Variants in THSD7A observed in about 807,000 individuals in gnomAD.
The protein encoded by THSD7A is thrombospondin type-1 domain-containing protein 7A.
In THSD7A, 96 loss-of-function variants were observed where a neutral mutation model predicts 231.3. The ratio of observed to expected loss-of-function variants is 0.41; its 90% CI spans 0.35 to 0.49. The LOEUF is 0.49. Among genes scored for constraint, THSD7A ranks in the 20% least tolerant of loss-of-function variants. The pLI is 0.05. For missense variants in THSD7A, 2,290 were observed against 2,070.2 expected, an observed-to-expected ratio of 1.11 and a Z score of -2.06; for synonymous variants, 940 against 743.3, an observed-to-expected ratio of 1.26 and a Z score of -4.30.
intron 1 of THSD7A, chr7:11,751,133 T>C (rs1324357427): frequency 6.6e-6 from 1 of 152,098 alleles, no homozygotes; most frequent in Non-Finnish European, 1.5e-5. Flanking sequence ...CATGTCTTTC[T>C]TACTTTCTCA....
chr7:11,827,578 G>A (rs373186898), intron 1 of THSD7A, among the ~76,000 whole-genome samples: 1 of 151,984 alleles, frequency 6.6e-6, no homozygotes, highest in Non-Finnish European at 1.5e-5. Context: ...TTCTCCCACT[G>A]TGGCCCTTTA....
intron 1 of THSD7A, among the ~76,000 whole-genome samples, chr7:11,714,210 T>G (rs1781058417): frequency 6.6e-6 from 1 of 151,202 alleles, no homozygotes; most frequent in Non-Finnish European, 1.5e-5. Flanking sequence ...AATAAATTAA[T>G]TATAAAAGTG....
At chr7:11,715,106 GAAAC>G (rs1454984569) in intron 1 of THSD7A, among the ~76,000 whole-genome samples, 4 of 151,476 alleles carry the variant, frequency 2.6e-5, no homozygotes, top group East Asian at 2.0e-4. Context: ...CATTGTTCAA[GAAAC>G]AAACAAACAG....
intron 2 of THSD7A, among the ~76,000 whole-genome samples, chr7:11,599,925 G>T (rs1780493281): frequency 6.6e-6 from 1 of 151,970 alleles, no homozygotes; most frequent in African/African-American, 2.4e-5. Context: ...AAAGCAGTCA[G>T]AAAAACATGA....
At position 11,647,393 on chromosome 7, in the gene THSD7A, A is replaced by G. The variant is rs73676058; in HGVS notation, c.191-10432T>C. Among the ~76,000 whole-genome samples the G allele has an allele frequency of 4.4e-3, 674 of 152,156 alleles. 1 individual carries two copies. The highest frequency in any genetic ancestry group is 0.014 in the African/African-American group (602 of 41,538). ...CCGTATGTCTTGGCTCTTATGGCACAGCACCATATTTTGCTTACTGGCTTG... is the reference window on the plus strand; with the variant it reads ...CCGTATGTCTTGGCTCTTATGGCACGGCACCATATTTTGCTTACTGGCTTG... On this transcript the variant is annotated intron_variant, in intron 1 of 27. Transcript: ENST00000423059.
chr7:11,569,010 T>A (rs1790506720), intron 4 of THSD7A, among the ~76,000 whole-genome samples: 1 of 147,140 alleles, frequency 6.8e-6, no homozygotes. Flanking sequence ...AACCCTACAC[T>A]CCTATCTCTC....
intron 1 of THSD7A, among the ~76,000 whole-genome samples, chr7:11,789,540 G>A (rs988167925): frequency 6.8e-6 from 1 of 147,724 alleles, no homozygotes; most frequent in Non-Finnish European, 1.5e-5. Flanking sequence ...GGTTGAATAT[G>A]TTTTTGCCCA....
In THSD7A at chr7:11,428,935, G is replaced by T; in HGVS notation, c.3243+12C>A. 1 of 1,598,902 alleles carries T rather than the reference G, an allele frequency of 6.3e-7. No homozygotes were observed. Among genetic ancestry groups the T allele is most frequent in the Non-Finnish European group, 8.5e-7 (1 of 1,174,500 alleles). ...TCAACAATATCTTAACACTGTCAAT[G>T]ATAGAAAATACCTGGTTGACATGGT... On this transcript the variant is annotated intron_variant, in intron 14 of 27. Transcript: ENST00000423059.
At chr7:11,415,699 TC>T (rs1428788853) in intron 17 of THSD7A, among the ~76,000 whole-genome samples, 3 of 152,162 alleles carry the variant, frequency 2.0e-5, no homozygotes, top group Non-Finnish European at 4.4e-5. Flanking sequence ...CTAAGTGCCT[TC>T]CCCCATTTAA....
At chr7:11,607,225 G>A (rs2128347255) in intron 2 of THSD7A, among the ~76,000 whole-genome samples, 1 of 152,128 alleles carries the variant, frequency 6.6e-6, no homozygotes, top group South Asian at 2.1e-4. Context: ...CAAATCTATT[G>A]TTTGCTTTTT....
At chr7:11,562,506 G>A (rs1486950624) in intron 4 of THSD7A, among the ~76,000 whole-genome samples, 1 of 151,966 alleles carries the variant, frequency 6.6e-6, no homozygotes, top group African/African-American at 2.4e-5. Context: ...TGTCATCCCT[G>A]TAAATCTACC....
rs1301024617 is a variant in THSD7A, at chr7:11,406,452, G to T, written c.4085C>A (p.Thr1362Asn). Residue 1362 changes from threonine to asparagine, a missense_variant, in exon 22 of 28, where the codon ACC becomes AAC. Thr to Asn is a moderately conservative substitution (Grantham distance 65). Transcript: ENST00000423059. The surrounding 1 kb of genome is among the most constrained non-coding windows in gnomAD (Gnocchi z 4.7). ...QVQEAQCGEG[T>N]RTRNISCVVS... ...TACACAAGAAATGTTCCTTGTTCTGGTCCCTTCTCCACACTGGGCCTCCTG... is the reference window on the plus strand; with the variant it reads ...TACACAAGAAATGTTCCTTGTTCTGTTCCCTTCTCCACACTGGGCCTCCTG... The T allele has an allele frequency of 4.3e-6, 7 of 1,612,854 alleles. No homozygotes were observed. The Admixed American group carries it at 1.0e-4, about 23-fold the overall frequency.
chr7:11,592,649 C>A (rs1481263671), intron 3 of THSD7A, among the ~76,000 whole-genome samples: 2 of 152,202 alleles, frequency 1.3e-5, no homozygotes, highest in African/African-American at 4.8e-5. Flanking sequence ...AAAAACCCAA[C>A]CCTTTTCCCC....
intron 2 of THSD7A, among the ~76,000 whole-genome samples, chr7:11,627,754 C>A (rs1056793256): frequency 2.0e-5 from 3 of 152,100 alleles, no homozygotes; most frequent in African/African-American, 4.8e-5. Flanking sequence ...GTCAGACCAG[C>A]TGTCTTGGGT....
chr7:11,716,498 A>G (rs1017380329), intron 1 of THSD7A, among the ~76,000 whole-genome samples: 2 of 151,566 alleles, frequency 1.3e-5, no homozygotes, highest in Admixed American at 6.6e-5. Context: ...CTGCTTCCCT[A>G]CTTTATTGTT....
At chr7:11,820,408 T>A (rs1380252775) in intron 1 of THSD7A, 1 of 1,330,342 alleles carries the variant, frequency 7.5e-7, no homozygotes, top group African/African-American at 1.5e-5. Flanking sequence ...CCCACTGAAC[T>A]TGTCATGGGC....
intron 1 of THSD7A, among the ~76,000 whole-genome samples, chr7:11,787,505 C>T (rs1005787765): frequency 1.3e-5 from 2 of 151,948 alleles, no homozygotes; most frequent in Non-Finnish European, 2.9e-5. Flanking sequence ...TCAAAAGATA[C>T]AACTGATAAA....
At chr7:11,533,755 C>T (rs750974905) in intron 6 of THSD7A, among the ~76,000 whole-genome samples, 8 of 152,084 alleles carry the variant, frequency 5.3e-5, no homozygotes, top group Non-Finnish European at 7.4e-5. Context: ...GCAGGGAGAG[C>T]ATCAGCACAA....
At chr7:11,827,405 G>T (rs1308325499) in intron 1 of THSD7A, among the ~76,000 whole-genome samples, 1 of 151,964 alleles carries the variant, frequency 6.6e-6, no homozygotes, top group Non-Finnish European at 1.5e-5. Context: ...CCTCATACTT[G>T]ATATTTTCTA....
Sources: allele counts gnomAD v4.1 joint callset (sites outside exome capture counted in the v4.1 genomes callset), GRCh38; gene constraint gnomAD v4.1.1; non-coding constraint Gnocchi (gnomAD v3.1); transcripts MANE v1.5; gene names NCBI Gene and HGNC (gene_info 2026-07-23, HGNC 2026-07-21).